Variants in CCDC6 observed in about 807,000 individuals in gnomAD.
CCDC6 encodes the protein coiled-coil domain-containing protein 6.
CCDC6 carries 20 observed loss-of-function variants against 56.6 expected under a neutral mutation model. The observed-to-expected ratio is 0.35, with a 90% confidence interval of 0.25 to 0.51. The LOEUF is 0.51. Ranked by LOEUF, CCDC6 falls within the 20% of genes least tolerant of loss-of-function variation. CCDC6 has a pLI of 0.95. For synonymous variants in CCDC6, 241 were observed against 234.4 expected (o/e 1.03, Z -0.26); for missense variants, 367 against 601.1 (o/e 0.61, Z 4.07).
chr10:59,830,853 T>C (rs2070829500), intron 3 of CCDC6, among the ~76,000 whole-genome samples: 1 of 152,206 alleles, frequency 6.6e-6, no homozygotes, highest in Non-Finnish European at 1.5e-5. Flanking sequence ...ACGGTCCTAG[T>C]TTCAAAGTCT....
At chr10:59,890,123 T>C (rs577323894) in intron 1 of CCDC6, among the ~76,000 whole-genome samples, 87 of 152,158 alleles carry the variant, frequency 5.7e-4, no homozygotes, top group Admixed American at 1.3e-3. Flanking sequence ...TGATGTCTCG[T>C]CCCACAGAGA....
intron 1 of CCDC6, among the ~76,000 whole-genome samples, chr10:59,859,341 A>G (rs530983244): frequency 1.3e-5 from 2 of 152,192 alleles, no homozygotes; most frequent in South Asian, 4.2e-4. Context: ...TGGATCCCAT[A>G]TATATGCACT....
At chr10:59,801,454 C>A (rs2070573922) in intron 7 of CCDC6, among the ~76,000 whole-genome samples, 1 of 151,896 alleles carries the variant, frequency 6.6e-6, no homozygotes, top group Non-Finnish European at 1.5e-5. Flanking sequence ...GCTAACCACT[C>A]CCTTCTTGGT....
In CCDC6 at chr10:59,796,971, A is replaced by G. The variant is rs755247731; in HGVS notation, c.1106-2374T>C. Among the ~76,000 whole-genome samples the G allele has an allele frequency of 2.5e-3, 101 of 40,786 alleles. 1 individual carries two copies. The highest frequency in any genetic ancestry group is 3.5e-3 in the Non-Finnish European group (82 of 23,158). 26.8% of individuals were successfully genotyped at this position (40,786 alleles called of 152,430 possible). A position where few individuals can be genotyped will look rare whatever the true frequency, so the allele number is the denominator to read the frequency against. On this transcript the variant is annotated intron_variant, in intron 7 of 8. Transcript: ENST00000263102. ...GGGCGACAGAGCCAGATTCCATCTC[A>G]AAAAAAAAAAAAAAAAATGTGGAAA...
intron 2 of CCDC6, among the ~76,000 whole-genome samples, chr10:59,846,862 G>A (rs1406036928): frequency 1.3e-5 from 2 of 152,202 alleles, no homozygotes; most frequent in African/African-American, 4.8e-5. Context: ...TGAGAAAAGT[G>A]TAGACAATCC....
intron 2 of CCDC6, among the ~76,000 whole-genome samples, chr10:59,841,355 C>CT (rs2070936351): frequency 6.6e-6 from 1 of 152,232 alleles, no homozygotes; most frequent in East Asian, 1.9e-4. Flanking sequence ...TCCCTATGCC[C>CT]TTTACAGTGT....
chr10:59,838,219 T>A (rs1237397605), intron 2 of CCDC6, among the ~76,000 whole-genome samples: 1 of 128,248 alleles, frequency 7.8e-6, no homozygotes, highest in Non-Finnish European at 1.6e-5. Flanking sequence ...TCAGCCTCCA[T>A]AACAGCTGTC....
At chr10:59,821,225 G>T (rs143461597) in intron 3 of CCDC6, among the ~76,000 whole-genome samples, 2 of 152,304 alleles carry the variant, frequency 1.3e-5, no homozygotes, top group African/African-American at 4.8e-5. Context: ...ATATTGGAAA[G>T]AAGTGACTAA....
intron 3 of CCDC6, among the ~76,000 whole-genome samples, chr10:59,815,691 T>A (rs1365886235): frequency 2.6e-5 from 4 of 152,218 alleles, no homozygotes; most frequent in African/African-American, 7.2e-5. Context: ...TAATTAAAAA[T>A]TTTTTCTTAA....
intron 6 of CCDC6, 36 bp from the exon 7 acceptor site, chr10:59,804,556 G>A (rs1389787242): frequency 2.5e-6 from 3 of 1,194,416 alleles, no homozygotes; most frequent in South Asian, 2.4e-5. Context: ...AAAACCACCT[G>A]CATTTAAATA....
chr10:59,820,796 A>C (rs1460429125), intron 3 of CCDC6, among the ~76,000 whole-genome samples: 4 of 152,122 alleles, frequency 2.6e-5, no homozygotes, highest in Non-Finnish European at 5.9e-5. Flanking sequence ...AAAGAAAAAA[A>C]AGAAAAAGAT....
At chr10:59,828,534 T>C (rs1456175176) in intron 3 of CCDC6, among the ~76,000 whole-genome samples, 1 of 152,198 alleles carries the variant, frequency 6.6e-6, no homozygotes, top group Non-Finnish European at 1.5e-5. Context: ...AAGATGACAT[T>C]GCCTTTACTT....
intron 1 of CCDC6, among the ~76,000 whole-genome samples, chr10:59,865,083 A>G (rs1451291746): frequency 1.3e-5 from 2 of 152,214 alleles, no homozygotes; most frequent in Non-Finnish European, 2.9e-5. Context: ...GTTGTTAATT[A>G]TGGAGGCCTC....
chr10:59,899,850 A>G (rs996731878), intron 1 of CCDC6, among the ~76,000 whole-genome samples: 6 of 150,998 alleles, frequency 4.0e-5, no homozygotes, highest in African/African-American at 1.5e-4. Context: ...GGTAGCCCAC[A>G]TCACCCAAAG....
rs961076551 is a variant in CCDC6 at position 59,810,644 on chromosome 10, T to C, written c.847+1991A>G. Among the ~76,000 whole-genome samples, 6 of 152,308 alleles carry C rather than the reference T, an allele frequency of 3.9e-5. No homozygotes were observed. The South Asian group carries it at 6.2e-4, about 16-fold the overall frequency. ...TCATTTGATTTCCACCAAACACACA[T>C]AGTAATTAACAACCTGAGGTCCACA... On this transcript the variant is annotated intron_variant, in intron 5 of 8. Coordinates refer to ENST00000263102, the MANE Select transcript of CCDC6 (RefSeq NM_005436.5).
chr10:59,830,646 G>T (rs1371209786), intron 3 of CCDC6, among the ~76,000 whole-genome samples: 1 of 152,140 alleles, frequency 6.6e-6, no homozygotes, highest in African/African-American at 2.4e-5. Flanking sequence ...AGCCTAAAAG[G>T]TCACTAAGTT....
intron 1 of CCDC6, among the ~76,000 whole-genome samples, chr10:59,861,989 A>G (rs937147759): frequency 6.6e-6 from 1 of 152,198 alleles, no homozygotes; most frequent in Non-Finnish European, 1.5e-5. Flanking sequence ...GATAAATTCA[A>G]AAGAACAGAA....
intron 1 of CCDC6, among the ~76,000 whole-genome samples, chr10:59,873,686 A>T (rs959261868): frequency 6.6e-6 from 1 of 152,176 alleles, no homozygotes; most frequent in Non-Finnish European, 1.5e-5. Context: ...CTGTGGAGCT[A>T]TATTTTAATA....
At chr10:59,880,037 T>G (rs1292544355) in intron 1 of CCDC6, among the ~76,000 whole-genome samples, 2 of 152,194 alleles carry the variant, frequency 1.3e-5, no homozygotes, top group Non-Finnish European at 2.9e-5. Context: ...CATAGAAGCA[T>G]GCTACATCTA....
Sources: gnomAD v4.1 joint callset for allele counts (sites outside exome capture counted in the v4.1 genomes callset) on GRCh38, gnomAD v4.1.1 for gene constraint, MANE v1.5 for transcripts, NCBI Gene and HGNC (gene_info 2026-07-23, HGNC 2026-07-21) for gene names.